The following FAF1 variants were observed in gnomAD, a reference collection of about 807,000 sequenced individuals.
FAF1 encodes the protein FAS-associated factor 1.
Under a neutral mutation model 92.5 loss-of-function variants are expected in FAF1, and 25 were observed. The ratio of observed to expected loss-of-function variants is 0.27; its 90% CI spans 0.20 to 0.38. The LOEUF (loss-of-function observed/expected upper bound fraction) is 0.38. Among genes scored for constraint, FAF1 ranks in the 10% least tolerant of loss-of-function variants. FAF1 has a pLI of 1.00. For missense variants in FAF1, 636 were observed against 793.3 expected (o/e 0.80, Z 2.38); for synonymous variants, 234 against 273.2 (o/e 0.86, Z 1.42).
intron 18 of FAF1, among the ~76,000 whole-genome samples, chr1:50,455,590 A>G (rs1646341162): frequency 6.6e-6 from 1 of 152,208 alleles, no homozygotes; most frequent in South Asian, 2.1e-4. Context: ...TGTATTATCA[A>G]CATCCAGGTC....
intron 1 of FAF1, among the ~76,000 whole-genome samples, chr1:50,918,153 C>T (rs1644934442): frequency 1.3e-5 from 2 of 149,746 alleles, no homozygotes; most frequent in Admixed American, 6.6e-5. Context: ...ACAAAGAGTA[C>T]ATTTCACTGA....
At chr1:50,786,807 G>A (rs1557527281) in intron 4 of FAF1, among the ~76,000 whole-genome samples, 1 of 152,142 alleles carries the variant, frequency 6.6e-6, no homozygotes, top group Non-Finnish European at 1.5e-5. Flanking sequence ...GTAGGGGCTT[G>A]ATCAAACAGG....
intron 14 of FAF1, among the ~76,000 whole-genome samples, chr1:50,536,590 G>T (rs751567426): frequency 1.3e-5 from 2 of 152,168 alleles, no homozygotes; most frequent in Non-Finnish European, 2.9e-5. Context: ...CTTGGCAAAA[G>T]AAATGATCTA....
At chr1:50,485,402 C>T (rs560161959) in intron 17 of FAF1, among the ~76,000 whole-genome samples, 1 of 152,042 alleles carries the variant, frequency 6.6e-6, no homozygotes, top group East Asian at 1.9e-4. Context: ...GTGGCTCACA[C>T]CTGTAATCCC....
intron 8 of FAF1, among the ~76,000 whole-genome samples, chr1:50,598,697 G>A (rs1436802044): frequency 2.0e-5 from 3 of 152,092 alleles, no homozygotes; most frequent in Non-Finnish European, 2.9e-5. Context: ...TGTGCTGGGC[G>A]CGGTGGCTCA....
At chr1:50,482,742 C>A (rs923317651) in intron 17 of FAF1, among the ~76,000 whole-genome samples, 1 of 152,088 alleles carries the variant, frequency 6.6e-6, no homozygotes, top group African/African-American at 2.4e-5. Flanking sequence ...ATTTGTATCT[C>A]CCTAACGGCT....
intron 7 of FAF1, among the ~76,000 whole-genome samples, chr1:50,676,718 A>G (rs1656137422): frequency 6.6e-6 from 1 of 152,076 alleles, no homozygotes; most frequent in Non-Finnish European, 1.5e-5. Flanking sequence ...GCTACTCGGG[A>G]GGCTGAGGCA....
intron 8 of FAF1, among the ~76,000 whole-genome samples, chr1:50,627,516 A>G (rs574078899): frequency 1.3e-5 from 2 of 152,144 alleles, no homozygotes; most frequent in Non-Finnish European, 2.9e-5. Flanking sequence ...TGAATGAGCT[A>G]TAACTACATA....
At chr1:50,493,358 T>A (rs1019191341) in intron 15 of FAF1, among the ~76,000 whole-genome samples, 7 of 152,174 alleles carry the variant, frequency 4.6e-5, no homozygotes, top group Non-Finnish European at 1.0e-4. Flanking sequence ...AAGAATCCTA[T>A]GCCTCTGTGG....
intron 13 of FAF1, among the ~76,000 whole-genome samples, chr1:50,544,655 A>T (rs894355432): frequency 6.6e-6 from 1 of 152,216 alleles, no homozygotes; most frequent in African/African-American, 2.4e-5. Context: ...CTTCATTTGT[A>T]TGGGTAAACT....
At chr1:50,813,854 C>T (rs1402972980) in intron 2 of FAF1, among the ~76,000 whole-genome samples, 2 of 151,708 alleles carry the variant, frequency 1.3e-5, no homozygotes, top group Non-Finnish European at 2.9e-5. Flanking sequence ...AGTATTTATC[C>T]TGAAGAAAAT....
At chr1:50,672,547 T>TA (rs1655944410) in intron 7 of FAF1, among the ~76,000 whole-genome samples, 1 of 152,150 alleles carries the variant, frequency 6.6e-6, no homozygotes, top group Non-Finnish European at 1.5e-5. Flanking sequence ...CCTACCAAAG[T>TA]GCTGGGATTA....
At chr1:50,929,826 T>C (rs1182818718) in intron 1 of FAF1, among the ~76,000 whole-genome samples, 2 of 152,238 alleles carry the variant, frequency 1.3e-5, no homozygotes, top group African/African-American at 4.8e-5. Flanking sequence ...CATACTTAGC[T>C]TTTTTATAAT....
chr1:50,775,850 T>C (rs1428173302), intron 4 of FAF1, among the ~76,000 whole-genome samples: 1 of 152,112 alleles, frequency 6.6e-6, no homozygotes, highest in Non-Finnish European at 1.5e-5. Flanking sequence ...TTCTATCAAG[T>C]CTAAGTATTA....
chr1:50,681,806 A>G (rs763970832), intron 7 of FAF1, among the ~76,000 whole-genome samples: 12 of 151,384 alleles, frequency 7.9e-5, no homozygotes, highest in Non-Finnish European at 1.3e-4. Flanking sequence ...AGCATGAGCC[A>G]CTGTTCCCGG....
chr1:50,734,067 G>A (rs550281689), intron 6 of FAF1, among the ~76,000 whole-genome samples: 1 of 152,340 alleles, frequency 6.6e-6, no homozygotes, highest in South Asian at 2.1e-4. Context: ...AAAGTGTTGG[G>A]AATACAGGCG....
At chr1:50,632,870 T>C (rs141700951) in intron 8 of FAF1, among the ~76,000 whole-genome samples, 33 of 152,292 alleles carry the variant, frequency 2.2e-4, no homozygotes, top group African/African-American at 7.9e-4. Flanking sequence ...CTCTATGATC[T>C]TTCCAGGTAA....
At chr1:50,605,748 G>T (rs184130322) in intron 8 of FAF1, among the ~76,000 whole-genome samples, 46 of 152,272 alleles carry the variant, frequency 3.0e-4, no homozygotes, top group African/African-American at 1.1e-3. Context: ...GGGTGAGGGG[G>T]AAAGAGAGAT....
chr1:50,475,625 C>T lies in FAF1; in HGVS notation c.1708G>A (p.Ala570Thr). ...ALPPEPKEEN[A>T]EPVSKLRIRT... ...ATCCGCAGTTTGCTCACAGGCTCAG[C>T]ATTTTCTTCCTTTGGCTCAGGAGGC... Residue 570 changes from alanine (A) to threonine (T), a missense_variant, in exon 18 of 19, where the codon GCT becomes ACT. Ala to Thr is a moderately conservative substitution (Grantham distance 58). Coordinates refer to ENST00000396153, the MANE Select transcript of FAF1 (RefSeq NM_007051.3). 1.2e-6 allele frequency: 2 copies of T among 1,614,098 alleles called. No homozygotes were observed. The highest frequency in any genetic ancestry group is 1.7e-6 in the Non-Finnish European group (2 of 1,179,980).
Sources: gnomAD v4.1 joint callset for allele counts (sites outside exome capture counted in the v4.1 genomes callset) on GRCh38, gnomAD v4.1.1 for gene constraint, MANE v1.5 for transcripts, NCBI Gene and HGNC (gene_info 2026-07-23, HGNC 2026-07-21) for gene names.